Variants in TRAF3 observed in about 807,000 individuals in gnomAD.
The protein encoded by TRAF3 is TNF receptor-associated factor 3.
TRAF3 carries 13 observed loss-of-function variants against 62.3 expected under a neutral mutation model. The ratio of observed to expected loss-of-function variants is 0.21; its 90% CI spans 0.14 to 0.33. TRAF3 has a LOEUF of 0.33. Among genes scored for constraint, TRAF3 ranks in the 10% least tolerant of loss-of-function variants. The probability of loss-of-function intolerance (pLI) is 1.00; values close to 1 mark genes in which losing one functional copy is unlikely to be tolerated. For missense variants in TRAF3, 440 were observed against 741.8 expected (o/e 0.59, Z 4.73); for synonymous variants, 269 against 283.4 (o/e 0.95, Z 0.51).
intron 3 of TRAF3, 61 bp downstream of exon 3, chr14:102,870,507 C>G: frequency 1.9e-6 from 3 of 1,593,928 alleles, no homozygotes; most frequent in Non-Finnish European, 1.7e-6. Flanking sequence ...TCACCCTCTC[C>G]TTCATTCGTT....
chr14:102,815,561 G>A (rs1899468037), intron 1 of TRAF3, among the ~76,000 whole-genome samples: 1 of 152,088 alleles, frequency 6.6e-6, no homozygotes, highest in Admixed American at 6.5e-5. Context: ...GTCAATTTTT[G>A]TGGTGTGAGA....
intron 4 of TRAF3, among the ~76,000 whole-genome samples, chr14:102,875,319 T>G (rs1184725917): frequency 6.6e-6 from 1 of 152,218 alleles, no homozygotes; most frequent in Non-Finnish European, 1.5e-5. Flanking sequence ...ATCCTGAAAT[T>G]ATGTCAAAGT....
chr14:102,889,299 T>C (rs953335625), intron 7 of TRAF3, among the ~76,000 whole-genome samples: 1 of 152,248 alleles, frequency 6.6e-6, no homozygotes, highest in Non-Finnish European at 1.5e-5. Flanking sequence ...GCATGTCACA[T>C]TGAACAATTT....
At chr14:102,821,531 G>A (rs1899986884) in intron 1 of TRAF3, among the ~76,000 whole-genome samples, 2 of 152,144 alleles carry the variant, frequency 1.3e-5, no homozygotes, top group African/African-American at 4.8e-5. Flanking sequence ...GTTGAAAAGA[G>A]GCTTCCTGGT....
chr14:102,869,157 G>A lies in TRAF3; in HGVS notation c.-17-1028G>A, dbSNP rs546841233. Reference sequence around the variant, plus strand: ...AGTGTGACATGGTGTGACGTGCTCTGTGGGTCCACAACGGGCCCACTCCAC... The same window carrying A: ...AGTGTGACATGGTGTGACGTGCTCTATGGGTCCACAACGGGCCCACTCCAC... On this transcript the variant is annotated intron_variant, in intron 2 of 11. Coordinates refer to ENST00000392745, the MANE Select transcript of TRAF3 (RefSeq NM_145725.3). Among the ~76,000 whole-genome samples, 205 of 152,362 alleles carry A rather than the reference G, an allele frequency of 1.3e-3. 2 individuals carry two copies. The South Asian group carries it at 0.014, about 10-fold the overall frequency.
At chr14:102,796,888 G>A (rs1320819600) in intron 1 of TRAF3, among the ~76,000 whole-genome samples, 1 of 152,206 alleles carries the variant, frequency 6.6e-6, no homozygotes, top group East Asian at 1.9e-4. Context: ...TAGCATAAGG[G>A]ACAGAATCAT....
chr14:102,849,407 C>T (rs1595360819), intron 2 of TRAF3, among the ~76,000 whole-genome samples: 1 of 152,188 alleles, frequency 6.6e-6, no homozygotes, highest in South Asian at 2.1e-4. Context: ...GGACTCTGGT[C>T]GTGGGCCAAA....
intron 1 of TRAF3, among the ~76,000 whole-genome samples, chr14:102,791,752 C>A (rs903398654): frequency 6.6e-6 from 1 of 151,900 alleles, no homozygotes; most frequent in African/African-American, 2.4e-5. Context: ...TCATATTGTT[C>A]CTGATCTTAG....
intron 1 of TRAF3, among the ~76,000 whole-genome samples, chr14:102,824,583 T>C (rs1413396389): frequency 6.6e-6 from 1 of 152,242 alleles, no homozygotes; most frequent in Non-Finnish European, 1.5e-5. Flanking sequence ...TTGCCTGTTT[T>C]TGAAGTGAAA....
chr14:102,898,235 G>T (rs530786310), intron 10 of TRAF3, among the ~76,000 whole-genome samples: 1 of 152,212 alleles, frequency 6.6e-6, no homozygotes, highest in Non-Finnish European at 1.5e-5. Flanking sequence ...CTTGAATTGC[G>T]TAGGGATTTA....
chr14:102,880,694 A>G (rs1415805088), intron 6 of TRAF3, among the ~76,000 whole-genome samples: 2 of 152,232 alleles, frequency 1.3e-5, no homozygotes. Flanking sequence ...AATAGCAAAG[A>G]CATGGAATCA....
At chr14:102,805,502 C>T (rs753960073) in intron 1 of TRAF3, among the ~76,000 whole-genome samples, 1 of 152,180 alleles carries the variant, frequency 6.6e-6, no homozygotes, top group Non-Finnish European at 1.5e-5. Context: ...CGTAGAGACT[C>T]ACCGCTGGAC....
chr14:102,867,487 G>C (rs143466089), intron 2 of TRAF3, among the ~76,000 whole-genome samples: 149 of 152,252 alleles, frequency 9.8e-4, no homozygotes, highest in African/African-American at 3.3e-3. Context: ...AGCACAGAGC[G>C]GTATGGGGGA....
chr14:102,797,926 A>G (rs1427121964), intron 1 of TRAF3, among the ~76,000 whole-genome samples: 3 of 151,988 alleles, frequency 2.0e-5, no homozygotes, highest in Non-Finnish European at 4.4e-5. Flanking sequence ...TAGTAGAGAC[A>G]GGGTTTCACC....
chr14:102,849,812 T>A (rs1886930641), intron 2 of TRAF3, among the ~76,000 whole-genome samples: 1 of 152,230 alleles, frequency 6.6e-6, no homozygotes, highest in African/African-American at 2.4e-5. Context: ...TTCAGAAAGC[T>A]TTCTTATCAG....
chr14:102,906,489 TA>T lies in TRAF3; in HGVS notation c.*706del, dbSNP rs1234409261. ...AAAATATAAAATATCAAACACTGGT[TA>T]TCACTTGTGATAGGAAAGAGAATAT... On this transcript the variant is annotated 3_prime_UTR_variant, in exon 12 of 12. Coordinates refer to ENST00000392745, the MANE Select transcript of TRAF3 (RefSeq NM_145725.3). 6.6e-6 allele frequency: 1 copy of T among 152,262 alleles called. No homozygotes were observed. Among genetic ancestry groups the T allele is most frequent in the African/African-American group, 2.4e-5 (1 of 41,468 alleles). 9.4% of individuals were successfully genotyped at this position (152,262 alleles called of 1,614,324 possible).
intron 1 of TRAF3, among the ~76,000 whole-genome samples, chr14:102,815,852 C>A (rs1899486145): frequency 6.6e-6 from 1 of 152,108 alleles, no homozygotes; most frequent in Non-Finnish European, 1.5e-5. Flanking sequence ...TTTATAAAAC[C>A]ATCAGATCTG....
In TRAF3 at chr14:102,909,227, G is replaced by A. The variant is rs1348075443; in HGVS notation, c.*3443G>A. Reference sequence around the variant, plus strand: ...CACACAGGCGGCCAGGTTGGGATTTGTGTCAATTCTAGGAGCCATCAAGCA... The same window carrying A: ...CACACAGGCGGCCAGGTTGGGATTTATGTCAATTCTAGGAGCCATCAAGCA... On this transcript the variant is annotated 3_prime_UTR_variant, in exon 12 of 12. Transcript: ENST00000392745. 6.6e-6 allele frequency: 1 copy of A among 152,272 alleles called. No homozygotes were observed. Among genetic ancestry groups the A allele is most frequent in the Non-Finnish European group, 1.5e-5 (1 of 68,088 alleles). 9.4% of individuals were successfully genotyped at this position (152,272 alleles called of 1,614,324 possible). A position where few individuals can be genotyped will look rare whatever the true frequency, so the allele number is the denominator to read the frequency against.
chr14:102,853,605 C>T (rs1162203364), intron 2 of TRAF3, among the ~76,000 whole-genome samples: 1 of 151,918 alleles, frequency 6.6e-6, no homozygotes, highest in African/African-American at 2.4e-5. Flanking sequence ...GAGGCCGAGG[C>T]GGGCAGATCA....
Sources: gnomAD v4.1 joint callset for allele counts (sites outside exome capture counted in the v4.1 genomes callset) on GRCh38, gnomAD v4.1.1 for gene constraint, MANE v1.5 for transcripts, NCBI Gene and HGNC (gene_info 2026-07-23, HGNC 2026-07-21) for gene names.